The following SCN4A variants were observed in gnomAD, a reference collection of about 807,000 sequenced individuals.
SCN4A encodes sodium voltage-gated channel alpha subunit 4.
Under a neutral mutation model 162.0 loss-of-function variants are expected in SCN4A, and 83 were observed. That is an observed-to-expected ratio of 0.51 (90% CI 0.43 to 0.61). SCN4A has a LOEUF of 0.61. SCN4A is among the 20% of genes least tolerant of loss of function. The probability of loss-of-function intolerance (pLI) is 0.00; values close to 1 mark genes in which losing one functional copy is unlikely to be tolerated. For missense variants in SCN4A, 2,196 were observed against 2,462.5 expected, an observed-to-expected ratio of 0.89 and a Z score of 2.29; for synonymous variants, 944 against 985.1, an observed-to-expected ratio of 0.96 and a Z score of 0.78.
rs938589050 is a variant in SCN4A, at chr17:63,959,350, A to T, written c.1934T>A (p.Phe645Tyr). 5 of 1,613,870 alleles carry T rather than the reference A, an allele frequency of 3.1e-6. No homozygotes were observed. Among genetic ancestry groups the T allele is most frequent in the Non-Finnish European group, 4.2e-6 (5 of 1,179,872 alleles). Residue 645 changes from phenylalanine to tyrosine, a missense_variant, in exon 12 of 24, where the codon TTC (phenylalanine) becomes TAC (tyrosine). By Grantham distance (22) the Phe-to-Tyr change is conservative. Transcript: ENST00000435607. The part of the protein sequence containing the change: ...YEYFQQGWNI[F>Y]DSIIVTLSLV... ...GCTGAGGGTGACGATGATGCTGTCG[A>T]AGATATTCCAACCCTGCTGGAAATA...
chr17:63,959,239 C>A, intron 12 of SCN4A, 26 bp downstream of exon 12: 2 of 1,594,826 alleles, frequency 1.3e-6, no homozygotes, highest in South Asian at 1.1e-5. Context: ...CCCATCCCAG[C>A]CCCTGGCCCT....
chr17:63,965,911 G>T (rs1043168362), intron 8 of SCN4A, among the ~76,000 whole-genome samples, 191 bp downstream of exon 8: 6 of 152,224 alleles, frequency 3.9e-5, no homozygotes, highest in African/African-American at 1.4e-4. Flanking sequence ...TTAAAGCTGT[G>T]GCTTGGCTCG....
rs1908930043 is a variant in SCN4A at position 63,951,975 on chromosome 17, G to A, written c.2377-75C>T. On this transcript the variant is annotated intron_variant, in intron 13 of 23. Transcript: ENST00000435607. This position sits in a 1 kb window ranked among gnomAD's most constrained non-coding sequence, Gnocchi z 4.5. ...GGGTGCCACCTTCAGCCAGCACAGG[G>A]GTCCTCGGTCTACAGATCCAAACTA... 1 of 867,812 alleles carries A rather than the reference G, an allele frequency of 1.2e-6. No individual in the cohort carries two copies. The highest frequency in any genetic ancestry group is 1.7e-5 in the South Asian group (1 of 57,164). 53.8% of individuals were successfully genotyped at this position (867,812 alleles called of 1,614,324 possible).
chr17:63,963,813 G>A lies in SCN4A; in HGVS notation c.1465C>T (p.Gln489Ter). ...TCTGCCTCCCCACCTTCCAGAGCTT[G>A]GGCGGCCTTGGCCTGTAGACCAGCA... Reference protein sequence around the residue: ...QEELEKAKAAQALEGGEADGD... With the variant: ...QEELEKAKAA The change falls in exon 10 of 24, where the codon CAA (glutamine) becomes TAA (stop). Residue 489 changes from glutamine to a stop codon, truncating the protein, a stop_gained. Transcript: ENST00000435607. LOFTEE classifies it high-confidence loss of function. 1 of 1,601,396 alleles carries A rather than the reference G, an allele frequency of 6.2e-7. No individual in the cohort carries two copies. The highest frequency in any genetic ancestry group is 2.3e-5 in the East Asian group (1 of 44,316).
chr17:63,959,163 C>T, intron 12 of SCN4A, 102 bp downstream of exon 12: 2 of 1,057,866 alleles, frequency 1.9e-6, no homozygotes, highest in Admixed American at 4.9e-5. Context: ...CGTTTTCAGC[C>T]CTCTAGCTTC....
intron 9 of SCN4A, 48 bp downstream of exon 9, chr17:63,964,408 AGCCCCGGCTGAG>A: frequency 6.7e-7 from 1 of 1,491,070 alleles, no homozygotes; most frequent in African/African-American, 1.4e-5. Context: ...AGCCAGTGGC[AGCCCCGGCTGAG>A]GGCAGGTAGA....
rs766975288 is a variant in SCN4A, at chr17:63,959,300, C to T, written c.1984G>A (p.Val662Ile). Residue 662 changes from valine (V) to isoleucine (I), a missense_variant, in exon 12 of 24, where the codon GTA (valine) becomes ATA (isoleucine). Physicochemically the swap from Val to Ile is conservative, Grantham distance 29 (BLOSUM62 3). Transcript: ENST00000435607. ...LSLVELGLANVQGLSVLRSFR... is the reference protein window; with the variant it reads ...LSLVELGLANIQGLSVLRSFR... ...GAGCGTAGCACAGACAGTCCCTGTA[C>T]GTTGGCCAGGCCTAGCTCTACCAGG... The T allele has an allele frequency of 2.9e-5, 47 of 1,613,662 alleles. No individual in the cohort carries two copies. Among genetic ancestry groups the T allele is most frequent in the Non-Finnish European group, 3.5e-5 (41 of 1,179,832 alleles).
At chr17:63,961,458 TG>T (rs917546649) in intron 10 of SCN4A, 27 bp from the exon 11 acceptor site, 2 of 1,544,360 alleles carry the variant, frequency 1.3e-6, no homozygotes, top group Non-Finnish European at 1.8e-6. Flanking sequence ...AGCAGGTATC[TG>T]GTGAGGATTA....
Position 63,957,457 on chromosome 17 carries a change from C to T in SCN4A, c.2081G>A (p.Gly694Asp), listed in dbSNP as rs1909106333. 1 of 1,613,896 alleles carries T rather than the reference C, an allele frequency of 6.2e-7. No individual in the cohort carries two copies. The highest frequency in any genetic ancestry group is 1.3e-5 in the African/African-American group (1 of 74,902). Reference protein sequence around the residue: ...PTLNMLIKIIGNSVGALGNLT... With the variant: ...PTLNMLIKIIDNSVGALGNLT... ...GTTACCCAGCGCCCCCACTGAATTG[C>T]CAATGATCTTGATGAGCATGTTCAG... Residue 694 changes from glycine to aspartate, a missense_variant, in exon 13 of 24, where the codon GGC becomes GAC. Gly to Asp is a moderately conservative substitution (Grantham distance 94). Coordinates refer to ENST00000435607, the MANE Select transcript of SCN4A (RefSeq NM_000334.4).
chr17:63,960,082 G>A (rs1001639070), intron 11 of SCN4A, among the ~76,000 whole-genome samples: 1 of 152,228 alleles, frequency 6.6e-6, no homozygotes, highest in African/African-American at 2.4e-5. Flanking sequence ...CCTGGACATG[G>A]GATCTGAGGA....
chr17:63,947,786 G>GC, intron 17 of SCN4A, 104 bp downstream of exon 17: 1 of 1,119,162 alleles, frequency 8.9e-7, no homozygotes, highest in South Asian at 1.5e-5. Context: ...GACTCTGGGG[G>GC]TGGCCTCGGG....
At chr17:63,961,481 G>T in intron 10 of SCN4A, 50 bp from the exon 11 acceptor site, 1 of 1,350,494 alleles carries the variant, frequency 7.4e-7, no homozygotes, top group Non-Finnish European at 1.1e-6. Flanking sequence ...CCCCTCACGT[G>T]CCCCCGGCTC....
chr17:63,971,680 T>G, intron 4 of SCN4A, 42 bp downstream of exon 4: 2 of 1,487,052 alleles, frequency 1.3e-6, no homozygotes, highest in Non-Finnish European at 1.8e-6. Flanking sequence ...CCCCCTCCCC[T>G]CACCCACCCC....
At position 63,972,503 on chromosome 17, in the gene SCN4A, A is replaced by AGAGACAGACAGG. The variant is rs1555605035; in HGVS notation, c.274-34_274-33insCCTGTCTGTCTC. Reference sequence around the variant, plus strand: ...GGGAGAGAGGCTGTGAGACCCAGGGACAGACAGACAGGCAGACAGATGGAT... The same window carrying AGAGACAGACAGG: ...GGGAGAGAGGCTGTGAGACCCAGGGAGAGACAGACAGGCAGACAGACAGGCAGACAGATGGAT... On this transcript the variant is annotated intron_variant, in intron 1 of 23. Transcript: ENST00000435607. This position sits in a 1 kb window ranked among gnomAD's most constrained non-coding sequence, Gnocchi z 4.3. The AGAGACAGACAGG allele has an allele frequency of 6.2e-7, 1 of 1,608,694 alleles. No individual in the cohort carries two copies.
intron 23 of SCN4A, 105 bp downstream of exon 23, chr17:63,942,720 TG>T: frequency 8.6e-7 from 1 of 1,157,860 alleles, no homozygotes. Flanking sequence ...GGCATGTGTC[TG>T]GGTGAGCGTG....
At chr17:63,966,600 G>T in intron 6 of SCN4A, 56 bp from the exon 7 acceptor site, 2 of 1,353,200 alleles carry the variant, frequency 1.5e-6, no homozygotes, top group Non-Finnish European at 1.1e-6. Flanking sequence ...CACAGTGTGA[G>T]CACCTGCGCC....
In SCN4A at chr17:63,968,277, A is replaced by T; in HGVS notation, c.782T>A (p.Leu261Gln). The change falls in exon 6 of 24, where the codon CTG becomes CAG. Residue 261 changes from leucine (L) to glutamine (Q), a missense_variant. By Grantham distance (113) the Leu-to-Gln change is moderately radical. Coordinates refer to ENST00000435607, the MANE Select transcript of SCN4A (RefSeq NM_000334.4). ...SDVMILTVFC[L>Q]SVFALVGLQL... ...CAGTCCTACCAGCGCAAAGACGCTC[A>T]GGCAGAAGACAGTGAGGATCATCAC... is the stretch of plus-strand genomic sequence containing the variant. 6.2e-7 allele frequency: 1 copy of T among 1,613,892 alleles called. No individual in the cohort carries two copies. Among genetic ancestry groups the T allele is most frequent in the Non-Finnish European group, 8.5e-7 (1 of 1,179,750 alleles).
At position 63,968,329 on chromosome 17, in the gene SCN4A, T is replaced by C; in HGVS notation, c.730A>G (p.Ile244Val). The C allele has an allele frequency of 6.2e-7, 1 of 1,606,220 alleles. No individual in the cohort carries two copies. Among genetic ancestry groups the C allele is most frequent in the South Asian group, 1.1e-5 (1 of 90,398 alleles). Residue 244 changes from isoleucine (I) to valine (V), a missense_variant, in exon 6 of 24, where the codon ATC (isoleucine) becomes GTC (valine). Ile to Val is a conservative substitution (Grantham distance 29). Coordinates refer to ENST00000435607, the MANE Select transcript of SCN4A (RefSeq NM_000334.4). ...TCCGACAGCTTTTTCACCGACTGGA[T>C]CAGGGCCCCCACGATCGTCTTCAGC... ...PGLKTIVGAL[I>V]QSVKKLSDVM... is the part of the protein sequence containing the mutation.
At chr17:63,946,834 TGA>T (rs1406830626) in intron 18 of SCN4A, among the ~76,000 whole-genome samples, 10 of 151,668 alleles carry the variant, frequency 6.6e-5, no homozygotes, top group Admixed American at 6.6e-4. Context: ...GATCGGGGGC[TGA>T]GAGTGGGAAT....
Sources: allele counts gnomAD v4.1 joint callset (sites outside exome capture counted in the v4.1 genomes callset), GRCh38; gene constraint gnomAD v4.1.1; non-coding constraint Gnocchi (gnomAD v3.1); transcripts MANE v1.5; gene names NCBI Gene and HGNC (gene_info 2026-07-23, HGNC 2026-07-21).